ESRRG: variants seen among roughly 807,000 people sequenced by gnomAD.
ESRRG encodes estrogen related receptor gamma, also known as estrogen-related receptor gamma.
In ESRRG, 13 loss-of-function variants were observed where a neutral mutation model predicts 44.0. The observed-to-expected ratio is 0.30, with a 90% confidence interval of 0.19 to 0.47. The LOEUF is 0.47. ESRRG is among the 20% of genes least tolerant of loss of function. The pLI, the probability that ESRRG is intolerant of heterozygous loss-of-function variation, is 1.00. For synonymous variants in ESRRG, 215 were observed against 214.6 expected (o/e 1.00, Z -0.02); for missense variants, 395 against 580.6 (o/e 0.68, Z 3.29).
chr1:216,889,920 G>T (rs11572530), intron 2 of ESRRG, among the ~76,000 whole-genome samples: 3,002 of 152,230 alleles, frequency 0.02, 106 homozygotes, highest in African/African-American at 0.069. Context: ...AATCTTATAT[G>T]GAGATAGCCC....
chr1:217,121,802 G>C (rs78258477), intron 1 of ESRRG, among the ~76,000 whole-genome samples: 3,376 of 152,242 alleles, frequency 0.022, 132 homozygotes, highest in African/African-American at 0.077. Context: ...CTTCTGAAAT[G>C]ATTTTTCCTC....
rs954410420 is a variant in ESRRG at position 217,117,396 on chromosome 1, C to T, written c.-230+20271G>A. Among the ~76,000 whole-genome samples, 8 of 152,048 alleles carry T rather than the reference C, an allele frequency of 5.3e-5. No homozygotes were observed. In the East Asian group the frequency reaches 1.4e-3, roughly 26 times the overall value. On this transcript the variant is annotated intron_variant, in intron 1 of 8. Transcript: ENST00000366940. The stretch of plus-strand genomic sequence containing the variant: ...GCTAGGAGTTTGTGACCAGCCTGGC[C>T]AACACAGTAAGACCCCATCTCTACA...
chr1:217,056,537 G>C (rs2151299783), intron 1 of ESRRG, among the ~76,000 whole-genome samples: 1 of 152,002 alleles, frequency 6.6e-6, no homozygotes, highest in South Asian at 2.1e-4. Context: ...GGGTCCAGAA[G>C]AAAGCCCTTC....
intron 2 of ESRRG, among the ~76,000 whole-genome samples, chr1:216,737,131 A>G (rs1194340219): frequency 6.6e-6 from 1 of 152,184 alleles, no homozygotes; most frequent in East Asian, 1.9e-4. Context: ...TGGTCCTTGG[A>G]CTTTTAAAAA....
intron 2 of ESRRG, among the ~76,000 whole-genome samples, chr1:216,668,805 G>C (rs1378347142): frequency 6.6e-6 from 1 of 151,950 alleles, no homozygotes; most frequent in African/African-American, 2.4e-5. Context: ...TCCAAACAGA[G>C]AAAAGAGACT....
intron 5 of ESRRG, among the ~76,000 whole-genome samples, chr1:216,523,490 GTTTTTTTTTTTGT>G (rs1233111949): frequency 7.9e-6 from 1 of 126,328 alleles, no homozygotes; most frequent in Non-Finnish European, 1.7e-5. Flanking sequence ...ATCAAGCACT[GTTTTTTTTTTTGT>G]TTTTTTTTTT....
intron 2 of ESRRG, among the ~76,000 whole-genome samples, chr1:216,908,696 A>G (rs2059955899): frequency 6.6e-6 from 1 of 152,168 alleles, no homozygotes; most frequent in African/African-American, 2.4e-5. Flanking sequence ...AGAACAAAGA[A>G]AGACAAACTA....
intron 3 of ESRRG, among the ~76,000 whole-genome samples, chr1:216,582,050 C>G (rs970276789): frequency 6.6e-6 from 1 of 152,110 alleles, no homozygotes; most frequent in Non-Finnish European, 1.5e-5. Context: ...TTTAGGCCCT[C>G]CATTATATCT....
rs562860238 is a variant in ESRRG at position 217,055,031 on chromosome 1, G to A, written c.-106+34476C>T. 3.9e-5 allele frequency among the ~76,000 whole-genome samples: 6 copies of A among 152,282 alleles called. No homozygotes were observed. The South Asian group carries it at 1.0e-3, about 26-fold the overall frequency. ...CCTGGGTTTAGATGACTAGGTGTGC[G>A]ATCAAGAAAAGTTCAGAATAGGTTT... On this transcript the variant is annotated intron_variant, in intron 1 of 7. Transcript: ENST00000359162.
At chr1:217,119,287 G>A (rs145528989) in intron 1 of ESRRG, among the ~76,000 whole-genome samples, 57 of 152,222 alleles carry the variant, frequency 3.7e-4, no homozygotes, top group Non-Finnish European at 7.4e-4. Flanking sequence ...ACAGATAGAG[G>A]CTGTTTGTGT....
At chr1:216,523,292 C>T (rs2046628847) in intron 5 of ESRRG, among the ~76,000 whole-genome samples, 1 of 152,108 alleles carries the variant, frequency 6.6e-6, no homozygotes, top group African/African-American at 2.4e-5. Flanking sequence ...GCATGTTTAT[C>T]TGCAATACAG....
intron 2 of ESRRG, among the ~76,000 whole-genome samples, chr1:216,814,703 A>T (rs1005596215): frequency 6.6e-6 from 1 of 152,170 alleles, no homozygotes; most frequent in South Asian, 2.1e-4. Flanking sequence ...CTTCACAACT[A>T]TAAACTGTAA....
chr1:216,602,135 AG>A (rs1381969770), intron 3 of ESRRG, among the ~76,000 whole-genome samples: 1 of 152,206 alleles, frequency 6.6e-6, no homozygotes, highest in Non-Finnish European at 1.5e-5. Context: ...ACACACAGTT[AG>A]GGGTATTATC....
At chr1:217,050,147 G>A (rs1283519544) in intron 1 of ESRRG, among the ~76,000 whole-genome samples, 1 of 152,178 alleles carries the variant, frequency 6.6e-6, no homozygotes, top group Non-Finnish European at 1.5e-5. Flanking sequence ...GTGATCCTCT[G>A]ACCTGGACCT....
chr1:216,950,292 C>T (rs978797921), intron 1 of ESRRG, among the ~76,000 whole-genome samples: 2 of 152,140 alleles, frequency 1.3e-5, no homozygotes, highest in African/African-American at 4.8e-5. Context: ...TTCTAATGAA[C>T]TCAAAACTTA....
rs368583763 is a variant in ESRRG at position 216,779,216 on chromosome 1, T to A, written c.-13-101725A>T. Among the ~76,000 whole-genome samples the A allele has an allele frequency of 9.3e-4, 53 of 57,244 alleles. 2 individuals carry two copies. The highest frequency in any genetic ancestry group is 4.0e-3 in the Admixed American group (12 of 3,012). The allele number at this position is 57,244 out of a possible 152,430, so 37.6% of individuals were successfully genotyped here. Reference sequence around the variant, plus strand: ...ATTTATATTTATAAATATAAATATATATTTATATTTATAAATATAAATATA... The same window carrying A: ...ATTTATATTTATAAATATAAATATAAATTTATATTTATAAATATAAATATA... On this transcript the variant is annotated intron_variant, in intron 2 of 7. Transcript: ENST00000359162.
intron 2 of ESRRG, among the ~76,000 whole-genome samples, chr1:216,905,416 C>A (rs2059579086): frequency 6.6e-6 from 1 of 152,166 alleles, no homozygotes; most frequent in Admixed American, 6.5e-5. Flanking sequence ...AGGATCAGCT[C>A]CTCCTCCTTG....
At chr1:216,695,390 T>C (rs1216575570) in intron 1 of ESRRG, among the ~76,000 whole-genome samples, 1 of 152,048 alleles carries the variant, frequency 6.6e-6, no homozygotes, top group African/African-American at 2.4e-5. Context: ...AATTACCTGG[T>C]TGTAATATTA....
intron 6 of ESRRG, among the ~76,000 whole-genome samples, chr1:216,508,524 G>A (rs2041829397): frequency 6.6e-6 from 1 of 152,138 alleles, no homozygotes; most frequent in Non-Finnish European, 1.5e-5. Context: ...ATTGATAGTG[G>A]TTCCCTGGAG....
Sources: allele counts gnomAD v4.1 joint callset (sites outside exome capture counted in the v4.1 genomes callset), GRCh38; gene constraint gnomAD v4.1.1; transcripts MANE v1.5; gene names NCBI Gene and HGNC (gene_info 2026-07-23, HGNC 2026-07-21).